MMS19: variants seen among roughly 807,000 people sequenced by gnomAD.
MMS19 encodes the protein MMS19 nucleotide excision repair protein homolog.
MMS19 carries 77 observed loss-of-function variants against 129.8 expected under a neutral mutation model. The ratio of observed to expected loss-of-function variants is 0.59; its 90% CI spans 0.49 to 0.72. MMS19 has a LOEUF of 0.72. MMS19 is among the 30% of genes least tolerant of loss of function. MMS19 has a pLI of 0.00. For synonymous variants in MMS19, 491 were observed against 502.8 expected, an observed-to-expected ratio of 0.98 and a Z score of 0.31; for missense variants, 1,168 against 1,266.3, an observed-to-expected ratio of 0.92 and a Z score of 1.18.
chr10:97,482,706 CTG>C (rs369393413), intron 2 of MMS19, among the ~76,000 whole-genome samples: 36,162 of 130,042 alleles, frequency 0.28, 5,465 homozygotes, highest in Non-Finnish European at 0.35. Flanking sequence ...ATCAATAAGG[CTG>C]TGTGTGTGTG....
At chr10:97,459,105 T>C in intron 29 of MMS19, 118 bp downstream of exon 29, 1 of 1,073,692 alleles carries the variant, frequency 9.3e-7, no homozygotes, top group Non-Finnish European at 1.3e-6. Flanking sequence ...ATCTGTACCT[T>C]GTAATTCAGA....
chr10:97,486,894 T>TATATATATATATATATATATATAA (rs1554852566), intron 1 of MMS19, among the ~76,000 whole-genome samples: 1 of 135,558 alleles, frequency 7.4e-6, no homozygotes, highest in Non-Finnish European at 1.6e-5. Context: ...TATATATATA[T>TATATATATATATATATATATATAA]AAAATTAAGA....
upstream of MMS19, chr10:97,498,695 C>G (rs889775818): frequency 9.9e-6 from 4 of 403,478 alleles, no homozygotes; most frequent in Non-Finnish European, 1.8e-5. Flanking sequence ...GCGGTACGCA[C>G]CACGGGGGAA....
chr10:97,461,266 A>G, intron 23 of MMS19: 2 of 617,578 alleles, frequency 3.2e-6, no homozygotes, highest in South Asian at 2.0e-5. Context: ...AGGGAGTAGG[A>G]CGGCAGAACT....
intron 3 of MMS19, among the ~76,000 whole-genome samples, chr10:97,479,031 C>T (rs552102191): frequency 6.6e-6 from 1 of 152,276 alleles, no homozygotes; most frequent in South Asian, 2.1e-4. Context: ...CTGAGCAACA[C>T]AGTGAGACCC....
At chr10:97,472,874 CG>C (rs1016093501) in intron 8 of MMS19, among the ~76,000 whole-genome samples, 24 of 151,578 alleles carry the variant, frequency 1.6e-4, no homozygotes, top group Admixed American at 7.2e-4. Flanking sequence ...CCCAAAGTAG[CG>C]GGATTACAAG....
chr10:97,481,147 A>G (rs1254504696), intron 2 of MMS19, 105 bp from the exon 3 acceptor site: 1 of 757,450 alleles, frequency 1.3e-6, no homozygotes, highest in African/African-American at 1.8e-5. Flanking sequence ...ATGGAAGCAG[A>G]GCCAAGCCCT....
intron 1 of MMS19, among the ~76,000 whole-genome samples, chr10:97,496,590 T>C (rs1564721046): frequency 6.6e-6 from 1 of 151,740 alleles, no homozygotes; most frequent in Admixed American, 6.6e-5. Flanking sequence ...ACATTCAAGA[T>C]GTCTTTTCAA....
chr10:97,482,382 T>C (rs2036956524), intron 2 of MMS19, among the ~76,000 whole-genome samples: 1 of 152,162 alleles, frequency 6.6e-6, no homozygotes, highest in Non-Finnish European at 1.5e-5. Context: ...TGATGTGTGC[T>C]GCAACATGGA....
At chr10:97,491,433 G>A (rs898832598) in intron 1 of MMS19, among the ~76,000 whole-genome samples, 5 of 152,218 alleles carry the variant, frequency 3.3e-5, no homozygotes, top group African/African-American at 4.8e-5. Context: ...CTGGGAGGAC[G>A]AGGTGGGTGG....
At chr10:97,490,454 G>A (rs983234492) in intron 1 of MMS19, among the ~76,000 whole-genome samples, 1 of 152,116 alleles carries the variant, frequency 6.6e-6, no homozygotes, top group African/African-American at 2.4e-5. Context: ...TATTTTCAAG[G>A]GAGAAACAGG....
At chr10:97,483,909 C>T (rs2037337268) in intron 2 of MMS19, among the ~76,000 whole-genome samples, 194 bp downstream of exon 2, 1 of 152,244 alleles carries the variant, frequency 6.6e-6, no homozygotes, top group African/African-American at 2.4e-5. Flanking sequence ...AAAGAAGCCT[C>T]AGCCAGACAG....
In MMS19 at chr10:97,458,825, C is replaced by T; in HGVS notation, c.3040G>A (p.Glu1014Lys). Residue 1014 changes from glutamate to lysine, a missense_variant, in exon 30 of 31, where the codon GAA becomes AAA. This residue lies in a region of MMS19 where 831 missense variants were observed against 910.8 expected (regional missense o/e 0.91). Coordinates refer to ENST00000438925, the MANE Select transcript of MMS19 (RefSeq NM_022362.5). ...CACTCCCCTCTGGCTGACACTGCTT[C>T]CTTGCGCACCAGTCTCTTCTTGTCA... The part of the protein sequence containing the change: ...LDDKKRLVRK[E>K]AVSARGEWFL... The T allele has an allele frequency of 6.2e-7, 1 of 1,614,022 alleles. No individual in the cohort carries two copies. The highest frequency in any genetic ancestry group is 8.5e-7 in the Non-Finnish European group (1 of 1,179,894).
At chr10:97,470,256 ATCAAGG>A in intron 9 of MMS19, 53 bp from the exon 10 acceptor site, 2 of 1,282,896 alleles carry the variant, frequency 1.6e-6, no homozygotes, top group Non-Finnish European at 2.2e-6. Flanking sequence ...TGTCAGTCAC[ATCAAGG>A]TCAACCCTGT....
chr10:97,459,192 C>A, intron 29 of MMS19, 31 bp downstream of exon 29: 1 of 1,599,594 alleles, frequency 6.3e-7, no homozygotes, highest in South Asian at 1.1e-5. Context: ...GAGATGTTCC[C>A]AGGCCAGGGA....
intron 2 of MMS19, among the ~76,000 whole-genome samples, chr10:97,483,072 T>C (rs1482015817): frequency 6.6e-6 from 1 of 151,918 alleles, no homozygotes. Context: ...TATATATTTT[T>C]TGATGGGGGT....
At chr10:97,469,204 C>A in intron 11 of MMS19, 100 bp from the exon 12 acceptor site, 3 of 1,408,542 alleles carry the variant, frequency 2.1e-6, no homozygotes, top group Non-Finnish European at 2.8e-6. Flanking sequence ...GAGTGAGAAC[C>A]TCTAGGACAC....
chr10:97,469,653 C>A lies in MMS19; in HGVS notation c.917G>T (p.Arg306Leu), dbSNP rs29001306. Residue 306 changes from arginine (R) to leucine (L), a missense_variant, in exon 11 of 31, where the codon CGC becomes CTC. By Grantham distance (102) the Arg-to-Leu change is moderately radical. Around this residue, in one of 3 missense-constraint regions of MMS19, gnomAD observed 831 missense variants for 910.8 expected, o/e 0.91. Coordinates refer to ENST00000438925, the MANE Select transcript of MMS19 (RefSeq NM_022362.5). ...TATCTGAGTGACACTCACCTCTCTG[C>A]GGATAGAAGCCCAAAGGCTGGGGAG... ...DFLPSLWASI[R>L]REVFQTASER... 9.3e-6 allele frequency: 15 copies of A among 1,613,208 alleles called. No individual in the cohort carries two copies. Among genetic ancestry groups the A allele is most frequent in the Non-Finnish European group, 1.1e-5 (13 of 1,179,198 alleles).
intron 8 of MMS19, among the ~76,000 whole-genome samples, chr10:97,473,165 A>C (rs2035080824): frequency 6.6e-6 from 1 of 151,876 alleles, no homozygotes; most frequent in Non-Finnish European, 1.5e-5. Context: ...CCTCCCAAGT[A>C]GCTGAGATTA....
Sources: gnomAD v4.1 joint callset for allele counts (sites outside exome capture counted in the v4.1 genomes callset) on GRCh38, gnomAD v4.1.1 for gene constraint, gnomAD v4.1.1 regional missense constraint, MANE v1.5 for transcripts, NCBI Gene and HGNC (gene_info 2026-07-23, HGNC 2026-07-21) for gene names.